SLC19A1: variants seen among roughly 807,000 people sequenced by gnomAD.
SLC19A1 encodes solute carrier family 19 member 1, also known as reduced folate transporter.
Under a neutral mutation model 35.3 loss-of-function variants are expected in SLC19A1, and 37 were observed. The observed-to-expected ratio is 1.05, with a 90% CI of 0.81 to 1.38. The LOEUF is 1.38. Among genes scored for constraint, SLC19A1 ranks in the 40% most tolerant of loss-of-function variants. SLC19A1 has a pLI of 0.00. For missense variants in SLC19A1, 831 were observed against 826.9 expected, an observed-to-expected ratio of 1.00 and a Z score of -0.06; for synonymous variants, 460 against 398.5, an observed-to-expected ratio of 1.15 and a Z score of -1.84.
At chr21:45,541,868 G>C (rs1213499054) in intron 1 of SLC19A1, 2 of 152,188 alleles carry the variant, frequency 1.3e-5, no homozygotes, top group African/African-American at 2.4e-5. Flanking sequence ...GGTGGGACTT[G>C]GCGCCCCAGG....
chr21:45,516,361 C>T (rs1169281304), intron 5 of SLC19A1, among the ~76,000 whole-genome samples: 6 of 152,224 alleles, frequency 3.9e-5, no homozygotes, highest in Admixed American at 3.9e-4. Context: ...GGGGTTCCCA[C>T]CATTTCCCAA....
At chr21:45,538,097 G>A (rs369618553) in intron 1 of SLC19A1, 89 bp from the exon 2 acceptor site, 5 of 536,756 alleles carry the variant, frequency 9.3e-6, no homozygotes, top group Admixed American at 3.9e-5. Context: ...CGGCCTCCTC[G>A]CCACTCAGGA....
chr21:45,505,253 T>C, intron 3 of SLC19A1: 1 of 1,586,140 alleles, frequency 6.3e-7, no homozygotes, highest in Non-Finnish European at 8.6e-7. Context: ...CAGGGCCCCC[T>C]TCATTTCCTG....
At chr21:45,518,803 TGAAGAAAAACTAAG>T (rs1230942888) in intron 5 of SLC19A1, among the ~76,000 whole-genome samples, 10 of 151,944 alleles carry the variant, frequency 6.6e-5, no homozygotes, top group African/African-American at 2.4e-4. Flanking sequence ...CACTCACAGA[TGAAGAAAAACTAAG>T]AGAAGAAATT....
upstream of SLC19A1, chr21:45,542,571 A>G (rs948181955): frequency 9.3e-6 from 1 of 107,114 alleles, no homozygotes; most frequent in Non-Finnish European, 1.9e-5. Context: ...GCACCCTCCC[A>G]CCCACGGCCG....
At chr21:45,553,036 G>A (rs145363485) in intron 1 of SLC19A1, among the ~76,000 whole-genome samples, 1,756 of 152,290 alleles carry the variant, frequency 0.012, 16 homozygotes, top group South Asian at 0.022. Flanking sequence ...ATCGCAGGGG[G>A]CAGATTCCAC....
At chr21:45,512,480 C>G, downstream of SLC19A1, 1 of 1,370,192 alleles carries the variant, frequency 7.3e-7, no homozygotes, top group Non-Finnish European at 1.0e-6. Flanking sequence ...GCCGGCCAGC[C>G]CCTGGCCCCA....
chr21:45,509,531 C>T (rs772512743), downstream of SLC19A1: 27 of 1,537,980 alleles, frequency 1.8e-5, no homozygotes, highest in Non-Finnish European at 2.4e-5. Flanking sequence ...CACCACAGCT[C>T]CTACGTGCAC....
At chr21:45,520,348 A>G (rs964300266) in intron 5 of SLC19A1, among the ~76,000 whole-genome samples, 4 of 152,202 alleles carry the variant, frequency 2.6e-5, no homozygotes, top group African/African-American at 9.6e-5. Flanking sequence ...CTAAGTCAAG[A>G]AAAAGAAATA....
chr21:45,505,353 T>C (rs2037132762), intron 3 of SLC19A1: 1 of 1,594,668 alleles, frequency 6.3e-7, no homozygotes, highest in East Asian at 2.2e-5. Flanking sequence ...GTTTCTCTCC[T>C]GCAGCTATCA....
intron 1 of SLC19A1, among the ~76,000 whole-genome samples, chr21:45,539,115 G>A (rs2078225702): frequency 6.6e-6 from 1 of 152,150 alleles, no homozygotes; most frequent in Non-Finnish European, 1.5e-5. Context: ...TTAAGGCCTC[G>A]GTGTAAAGTT....
chr21:45,507,431 G>A (rs916023466), intron 3 of SLC19A1: 21 of 710,234 alleles, frequency 3.0e-5, no homozygotes, highest in Non-Finnish European at 4.3e-5. Context: ...CAGGTGCTGG[G>A]CAGGGAGGGC....
rs768808906 is a variant in SLC19A1, at chr21:45,532,148, C to T, written c.190G>A (p.Val64Ile). The T allele has an allele frequency of 3.8e-6, 6 of 1,590,112 alleles. No homozygotes were observed. The highest frequency in any genetic ancestry group is 2.2e-5 in the East Asian group (1 of 44,466). Residue 64 changes from valine (V) to isoleucine (I), a missense_variant and splice_region_variant, in exon 3 of 6, where the codon GTC becomes ATC. By Grantham distance (29) the Val-to-Ile change is conservative. Transcript: ENST00000311124. ...AGCACCGGCGTGATCTCGTTCGTGACCTGCGGACAGGCGGGCGTGCGCCCC... is the reference window on the plus strand; with the variant it reads ...AGCACCGGCGTGATCTCGTTCGTGATCTGCGGACAGGCGGGCGTGCGCCCC... ...GPDKNFTREQ[V>I]TNEITPVLSY...
At chr21:45,553,029 G>A (rs775293040) in intron 1 of SLC19A1, among the ~76,000 whole-genome samples, 5 of 152,162 alleles carry the variant, frequency 3.3e-5, no homozygotes, top group African/African-American at 7.2e-5. Flanking sequence ...CTGGCAAATC[G>A]CAGGGGGCAG....
At position 45,515,065 on chromosome 21, in the gene SLC19A1, C is replaced by G; in HGVS notation, c.*593G>C. The G allele has an allele frequency of 6.5e-7, 1 of 1,545,332 alleles. No homozygotes were observed. The highest frequency in any genetic ancestry group is 1.2e-5 in the South Asian group (1 of 83,122). ...AGGAACCAGCTCCGAGGACCAGAGC[C>G]GCTGCTCCCCTCTGATGACAATGTG... On this transcript the variant is annotated 3_prime_UTR_variant, in exon 6 of 6. Transcript: ENST00000311124.
intron 3 of SLC19A1, chr21:45,503,119 A>G (rs2036953707): frequency 6.6e-6 from 1 of 152,190 alleles, no homozygotes; most frequent in Non-Finnish European, 1.5e-5. Context: ...TGGTATTTCT[A>G]GTTCTAGATC....
intron 4 of SLC19A1, among the ~76,000 whole-genome samples, chr21:45,527,864 T>C (rs1271989599): frequency 6.8e-6 from 1 of 146,754 alleles, no homozygotes; most frequent in African/African-American, 2.5e-5. Context: ...CATGGAGAGG[T>C]GACACGCCAG....
chr21:45,509,048 CTGAAT>C (rs1398087827), downstream of SLC19A1, among the ~76,000 whole-genome samples: 1 of 152,110 alleles, frequency 6.6e-6, no homozygotes, highest in Non-Finnish European at 1.5e-5. Context: ...GTCAGGGGCC[CTGAAT>C]TGGAGCCGCG....
chr21:45,549,930 C>T (rs1366976159), intron 1 of SLC19A1, among the ~76,000 whole-genome samples: 1 of 152,132 alleles, frequency 6.6e-6, no homozygotes, highest in Non-Finnish European at 1.5e-5. Flanking sequence ...CACATCTTGT[C>T]CCCACAGAGA....
Sources: gnomAD v4.1 joint callset for allele counts (sites outside exome capture counted in the v4.1 genomes callset) on GRCh38, gnomAD v4.1.1 for gene constraint, MANE v1.5 for transcripts, NCBI Gene and HGNC (gene_info 2026-07-23, HGNC 2026-07-21) for gene names.